Variants in SEC14L4 observed in about 807,000 individuals in gnomAD.
SEC14L4 encodes the protein SEC14 like lipid binding 4.
A neutral mutation model predicts 55.1 loss-of-function variants in SEC14L4; 42 were observed. The observed-to-expected ratio is 0.76, with a 90% CI of 0.60 to 0.99. The LOEUF (loss-of-function observed/expected upper bound fraction) is 0.99. Ranked by LOEUF, SEC14L4 falls within the 50% of genes least tolerant of loss-of-function variation. SEC14L4 has a pLI of 0.00. For synonymous variants in SEC14L4, 206 were observed against 206.8 expected, an observed-to-expected ratio of 1.00 and a Z score of 0.03; for missense variants, 445 against 512.1, an observed-to-expected ratio of 0.87 and a Z score of 1.27.
chr22:30,501,377 A>G (rs1449241816), intron 2 of SEC14L4, among the ~76,000 whole-genome samples: 4 of 152,192 alleles, frequency 2.6e-5, no homozygotes, highest in African/African-American at 9.6e-5. Flanking sequence ...TCAAGGGCAC[A>G]CCAAGCACCC....
chr22:30,505,688 C>T lies in SEC14L4; in HGVS notation c.-77G>A, dbSNP rs1268406923. The T allele has an allele frequency of 7.3e-7, 1 of 1,373,020 alleles. No homozygotes were observed. The highest frequency in any genetic ancestry group is 1.4e-5 in the African/African-American group (1 of 69,416). 85.1% of individuals were successfully genotyped at this position (1,373,020 alleles called of 1,614,324 possible). ...CGCCTGGCCTTGTATCCGCTGCCGC[C>T]TGGTTGTGCCTCCTGGGCCAGATGT... is the stretch of plus-strand genomic sequence containing the variant. On this transcript the variant is annotated 5_prime_UTR_variant, in exon 1 of 12. Transcript: ENST00000255858.
In SEC14L4 at chr22:30,494,770, C is replaced by G. The variant is rs1936082740; in HGVS notation, c.519+96G>C. 6.3e-6 allele frequency: 5 copies of G among 799,824 alleles called. No individual in the cohort carries two copies. In the Admixed American group the frequency reaches 9.2e-5, roughly 15 times the overall value. The allele number at this position is 799,824 out of a possible 1,614,324, so 49.5% of individuals were successfully genotyped here. ...TGGAGCCCCTGCAAGGCATCCCCAC[C>G]CCTCTATCTCACTGGATTCTCACAT... On this transcript the variant is annotated intron_variant, in intron 6 of 11. Coordinates refer to ENST00000255858, the MANE Select transcript of SEC14L4 (RefSeq NM_174977.4).
intron 2 of SEC14L4, among the ~76,000 whole-genome samples, chr22:30,496,570 C>CCA (rs1556019101): frequency 1.1e-4 from 16 of 151,826 alleles, no homozygotes; most frequent in African/African-American, 3.2e-4. Context: ...CACCCCCCCC[C>CCA]ACCACCTGCA....
intron 7 of SEC14L4, 86 bp downstream of exon 7, chr22:30,494,064 A>G: frequency 1.0e-6 from 1 of 997,510 alleles, no homozygotes; most frequent in South Asian, 1.3e-5. Context: ...GGATGGGTGA[A>G]GAAGCCTTTA....
At chr22:30,492,308 A>G in intron 8 of SEC14L4, 153 bp from the exon 9 acceptor site, 3 of 1,189,346 alleles carry the variant, frequency 2.5e-6, no homozygotes, top group South Asian at 2.6e-5. Context: ...TGTGGCTCCC[A>G]GCCCACGGTC....
At chr22:30,493,289 TCA>T (rs1449552770) in intron 7 of SEC14L4, among the ~76,000 whole-genome samples, 1 of 152,118 alleles carries the variant, frequency 6.6e-6, no homozygotes, top group Non-Finnish European at 1.5e-5. Context: ...CCTGAATTGC[TCA>T]CACTCAACTG....
rs761507070 is a variant in SEC14L4, at chr22:30,492,495, T to C, written c.643A>G (p.Arg215Gly). The change falls in exon 8 of 12, where the codon AGG becomes GGG. Residue 215 changes from arginine (R) to glycine (G), a missense_variant. Arg to Gly is a moderately radical substitution (Grantham distance 125). Coordinates refer to ENST00000255858, the MANE Select transcript of SEC14L4 (RefSeq NM_174977.4). Reference protein sequence around the residue: ...VKSFMSEETRRKIVILGDNWK... With the variant: ...VKSFMSEETRGKIVILGDNWK... ...TCACCTCCCAGAATCACAATCTTCC[T>C]GCGTGTCTCCTCACTCATGAACGAC... 3.7e-6 allele frequency: 6 copies of C among 1,613,888 alleles called. No homozygotes were observed. The African/African-American group carries it at 8.0e-5, about 22-fold the overall frequency.
intron 2 of SEC14L4, among the ~76,000 whole-genome samples, chr22:30,500,171 A>G (rs1218353586): frequency 6.6e-6 from 1 of 152,082 alleles, no homozygotes; most frequent in Non-Finnish European, 1.5e-5. Context: ...CGCCCGGCCA[A>G]CTGGTATTAA....
intron 2 of SEC14L4, among the ~76,000 whole-genome samples, chr22:30,499,892 C>T (rs1315460021): frequency 6.8e-6 from 1 of 147,092 alleles, no homozygotes; most frequent in African/African-American, 2.5e-5. Context: ...TTTTTTGAGA[C>T]AGAGTCTCTC....
At position 30,505,640 on chromosome 22, in the gene SEC14L4, G is replaced by T; in HGVS notation, c.-29C>A. The T allele has an allele frequency of 6.5e-7, 1 of 1,530,082 alleles. No individual in the cohort carries two copies. The highest frequency in any genetic ancestry group is 8.7e-7 in the Non-Finnish European group (1 of 1,142,884). 94.8% of individuals were successfully genotyped at this position (1,530,082 alleles called of 1,614,324 possible). On this transcript the variant is annotated 5_prime_UTR_variant, in exon 1 of 12. Coordinates refer to ENST00000255858, the MANE Select transcript of SEC14L4 (RefSeq NM_174977.4). ...GCCCGCGGGCGCAGAAAGGCTCAGG[G>T]CGCAGGTCCGCCCGCCCGCCGCCGC...
At chr22:30,490,937 C>T (rs182341124) in intron 11 of SEC14L4, among the ~76,000 whole-genome samples, 57 of 152,294 alleles carry the variant, frequency 3.7e-4, no homozygotes, top group African/African-American at 1.3e-3. Context: ...CAAGGTCCAA[C>T]ATGAACTCAG....
intron 2 of SEC14L4, among the ~76,000 whole-genome samples, chr22:30,500,606 T>C (rs982718794): frequency 4.0e-5 from 6 of 151,772 alleles, no homozygotes; most frequent in Non-Finnish European, 7.4e-5. Context: ...GGTCAAGCAA[T>C]CCTCCTGCCT....
At chr22:30,502,260 G>A (rs1324821138) in intron 2 of SEC14L4, among the ~76,000 whole-genome samples, 1 of 152,184 alleles carries the variant, frequency 6.6e-6, no homozygotes, top group Non-Finnish European at 1.5e-5. Flanking sequence ...CAGGTACTGT[G>A]TGCATCTGCG....
rs147383961 is a variant in SEC14L4, at chr22:30,494,940, C to T, written c.445G>A (p.Ala149Thr). The T allele has an allele frequency of 1.8e-4, 288 of 1,613,412 alleles. 1 individual carries two copies. Among genetic ancestry groups the T allele is most frequent in the Non-Finnish European group, 1.2e-4 (138 of 1,179,940 alleles). Residue 149 changes from alanine to threonine, a missense_variant, in exon 6 of 12, where the codon GCG becomes ACG. Transcript: ENST00000255858. ...CCCTCCATGTCAAACACCATCAGCGCCATCTCGATCTTCCTGCCCAGCTGC... is the reference window on the plus strand; with the variant it reads ...CCCTCCATGTCAAACACCATCAGCGTCATCTCGATCTTCCTGCCCAGCTGC... ...TQKLGRKIEM[A>T]LMVFDMEGLS...
intron 11 of SEC14L4, 114 bp from the exon 12 acceptor site, chr22:30,490,360 G>A (rs1479366181): frequency 1.4e-5 from 21 of 1,521,990 alleles, no homozygotes; most frequent in Non-Finnish European, 1.6e-5. Flanking sequence ...TCCCTGGAAC[G>A]TCCTGCATCC....
chr22:30,493,412 G>A (rs570877706), intron 7 of SEC14L4, among the ~76,000 whole-genome samples: 1 of 152,224 alleles, frequency 6.6e-6, no homozygotes, highest in African/African-American at 2.4e-5. Flanking sequence ...TTACATAATG[G>A]GAAAACTGAG....
intron 3 of SEC14L4, 65 bp from the exon 4 acceptor site, chr22:30,495,707 CT>C: frequency 6.2e-7 from 1 of 1,612,298 alleles, no homozygotes; most frequent in East Asian, 2.2e-5. Context: ...CTAGGTCCCT[CT>C]GCCCACAGCC....
intron 8 of SEC14L4, 81 bp from the exon 9 acceptor site, chr22:30,492,236 A>T: frequency 6.6e-7 from 1 of 1,515,614 alleles, no homozygotes; most frequent in Non-Finnish European, 9.0e-7. Context: ...TGGTGAGGGA[A>T]CCTGATATGT....
chr22:30,491,773 C>G (rs771508479), intron 10 of SEC14L4, 31 bp from the exon 11 acceptor site: 3 of 1,612,508 alleles, frequency 1.9e-6, no homozygotes, highest in East Asian at 2.2e-5. Flanking sequence ...TTGGCGACCC[C>G]CTGCCTGGGC....
Sources: allele counts gnomAD v4.1 joint callset (sites outside exome capture counted in the v4.1 genomes callset), GRCh38; gene constraint gnomAD v4.1.1; transcripts MANE v1.5; gene names NCBI Gene and HGNC (gene_info 2026-07-23, HGNC 2026-07-21).